Variants in HS6ST3 observed in about 807,000 individuals in gnomAD.
HS6ST3 encodes heparan sulfate 6-O-sulfotransferase 3.
A neutral mutation model predicts 36.7 loss-of-function variants in HS6ST3; 12 were observed. The ratio of observed to expected loss-of-function variants is 0.33; its 90% CI spans 0.21 to 0.53. HS6ST3 has a LOEUF of 0.53. HS6ST3 is among the 20% of genes least tolerant of loss of function. The pLI, the probability that HS6ST3 is intolerant of heterozygous loss-of-function variation, is 0.95. For synonymous variants in HS6ST3, 240 were observed against 257.5 expected, an observed-to-expected ratio of 0.93 and a Z score of 0.65; for missense variants, 584 against 640.9, an observed-to-expected ratio of 0.91 and a Z score of 0.96.
chr13:96,154,111 A>G (rs536081288), intron 1 of HS6ST3, among the ~76,000 whole-genome samples: 45 of 152,234 alleles, frequency 3.0e-4, no homozygotes, highest in African/African-American at 1.0e-3. Context: ...GTGATTTTTC[A>G]GTGAAATGAG....
At chr13:96,735,035 A>G (rs1284057031) in intron 1 of HS6ST3, among the ~76,000 whole-genome samples, 5 of 152,200 alleles carry the variant, frequency 3.3e-5, no homozygotes, top group Admixed American at 3.3e-4. Flanking sequence ...CTGGATTTTG[A>G]CATTTATACT....
intron 1 of HS6ST3, among the ~76,000 whole-genome samples, chr13:96,648,841 T>C (rs1037975963): frequency 1.4e-4 from 21 of 152,242 alleles, no homozygotes; most frequent in African/African-American, 4.8e-4. Context: ...TCATTCCTTT[T>C]TATGGCTGCA....
intron 1 of HS6ST3, among the ~76,000 whole-genome samples, chr13:96,325,966 T>C (rs920091680): frequency 2.0e-5 from 3 of 152,090 alleles, no homozygotes. Flanking sequence ...TTTGACATTA[T>C]TGTGAGAAAG....
At chr13:96,404,822 C>A (rs535600646) in intron 1 of HS6ST3, among the ~76,000 whole-genome samples, 4 of 152,162 alleles carry the variant, frequency 2.6e-5, no homozygotes, top group African/African-American at 9.7e-5. Context: ...TGTCCCCACC[C>A]AAATCTCATC....
intron 1 of HS6ST3, among the ~76,000 whole-genome samples, chr13:96,577,712 C>T (rs1225756412): frequency 6.6e-6 from 1 of 152,086 alleles, no homozygotes; most frequent in African/African-American, 2.4e-5. Flanking sequence ...CAAAAGAAGA[C>T]ATTTATGCAG....
At position 96,653,213 on chromosome 13, in the gene HS6ST3, T is replaced by C. The variant is rs944711168; in HGVS notation, c.708-179277T>C. Among the ~76,000 whole-genome samples, 3 of 151,530 alleles carry C rather than the reference T, an allele frequency of 2.0e-5. No homozygotes were observed. In the East Asian group the frequency reaches 5.8e-4, roughly 29 times the overall value. On this transcript the variant is annotated intron_variant, in intron 1 of 1. Transcript: ENST00000376705. Reference sequence around the variant, plus strand: ...CATGTGTTTGATTCTTTTTATATATTTTTTTTATTTTTATACTTTAAGTTC... The same window carrying C: ...CATGTGTTTGATTCTTTTTATATATCTTTTTTATTTTTATACTTTAAGTTC...
chr13:96,203,416 A>G (rs1472488575), intron 1 of HS6ST3, among the ~76,000 whole-genome samples: 1 of 152,176 alleles, frequency 6.6e-6, no homozygotes, highest in Admixed American at 6.5e-5. Context: ...TCTATGCTCT[A>G]ATCGTACCTC....
intron 1 of HS6ST3, among the ~76,000 whole-genome samples, chr13:96,621,828 G>T (rs1479413040): frequency 1.3e-5 from 2 of 152,162 alleles, no homozygotes; most frequent in African/African-American, 4.8e-5. Flanking sequence ...AGCAAAGTCA[G>T]GTTTATTGCA....
chr13:96,331,158 C>T (rs1594755311), intron 1 of HS6ST3, among the ~76,000 whole-genome samples: 2 of 152,288 alleles, frequency 1.3e-5, no homozygotes, highest in Admixed American at 6.5e-5. Flanking sequence ...GTAATTTGAT[C>T]GTCTGAAGCC....
chr13:96,464,833 A>G (rs1002283427), intron 1 of HS6ST3, among the ~76,000 whole-genome samples: 11 of 152,174 alleles, frequency 7.2e-5, no homozygotes, highest in Non-Finnish European at 1.6e-4. Context: ...ATTTTAGATT[A>G]TAAAGGCAGG....
chr13:96,453,189 A>G (rs899317029), intron 1 of HS6ST3, among the ~76,000 whole-genome samples: 3 of 151,980 alleles, frequency 2.0e-5, no homozygotes, highest in African/African-American at 4.8e-5. Flanking sequence ...TTAAAAAAAA[A>G]AAAAAAAGAA....
chr13:96,513,678 A>G (rs892923012), intron 1 of HS6ST3, among the ~76,000 whole-genome samples: 2 of 152,078 alleles, frequency 1.3e-5, no homozygotes, highest in African/African-American at 2.4e-5. Context: ...AGAGAACTGC[A>G]GTCATGTGTT....
At chr13:96,629,339 C>T (rs1350770292) in intron 1 of HS6ST3, among the ~76,000 whole-genome samples, 2 of 152,172 alleles carry the variant, frequency 1.3e-5, no homozygotes, top group Admixed American at 1.3e-4. Flanking sequence ...ATATCTTTCT[C>T]AGAATCCAAT....
chr13:96,656,565 T>A (rs562410493), intron 1 of HS6ST3, among the ~76,000 whole-genome samples: 2 of 152,200 alleles, frequency 1.3e-5, no homozygotes, highest in East Asian at 3.9e-4. Flanking sequence ...GAAAACAAAA[T>A]ATGTTGATGT....
intron 1 of HS6ST3, among the ~76,000 whole-genome samples, chr13:96,588,933 C>G (rs2056372206): frequency 6.6e-6 from 1 of 151,838 alleles, no homozygotes; most frequent in East Asian, 1.9e-4. Context: ...TGCCTGTATT[C>G]CCAGCTACTC....
chr13:96,794,043 G>A (rs1318571308), intron 1 of HS6ST3, among the ~76,000 whole-genome samples: 1 of 152,006 alleles, frequency 6.6e-6, no homozygotes, highest in Non-Finnish European at 1.5e-5. Flanking sequence ...ACTGTGACAT[G>A]CTAAGGAAGA....
intron 1 of HS6ST3, among the ~76,000 whole-genome samples, chr13:96,392,553 C>G (rs1267556207): frequency 6.6e-6 from 1 of 152,204 alleles, no homozygotes; most frequent in African/African-American, 2.4e-5. Flanking sequence ...AAAAGTGACA[C>G]ATGATCTGAT....
chr13:96,415,960 A>G (rs568983717), intron 1 of HS6ST3, among the ~76,000 whole-genome samples: 5 of 152,294 alleles, frequency 3.3e-5, no homozygotes, highest in African/African-American at 1.2e-4. Context: ...TTTTCTTGCA[A>G]TTTCACAGAA....
intron 1 of HS6ST3, among the ~76,000 whole-genome samples, chr13:96,263,195 A>G (rs1014109242): frequency 6.6e-6 from 1 of 152,180 alleles, no homozygotes; most frequent in Non-Finnish European, 1.5e-5. Context: ...AAGTTTGGCT[A>G]ATACTATGGT....
Sources: gnomAD v4.1 joint callset for allele counts (sites outside exome capture counted in the v4.1 genomes callset) on GRCh38, gnomAD v4.1.1 for gene constraint, MANE v1.5 for transcripts, NCBI Gene and HGNC (gene_info 2026-07-23, HGNC 2026-07-21) for gene names.